The following XK variants were observed in gnomAD, a reference collection of about 807,000 sequenced individuals.
The protein encoded by XK is endoplasmic reticulum membrane adapter protein XK.
XK carries 2 observed loss-of-function variants against 14.0 expected under a neutral mutation model. The observed-to-expected ratio is 0.14, with a 90% CI of 0.06 to 0.45. The LOEUF (loss-of-function observed/expected upper bound fraction) is 0.45, where lower values mean the gene tolerates loss of function less well. Among genes scored for constraint, XK ranks in the 20% least tolerant of loss-of-function variants. The pLI is 0.98. For synonymous variants in XK, 149 were observed against 147.5 expected, an observed-to-expected ratio of 1.01 and a Z score of -0.08; for missense variants, 235 against 341.5, an observed-to-expected ratio of 0.69 and a Z score of 2.46.
chrX:37,716,353 A>G (rs1440770896), intron 2 of XK, among the ~76,000 whole-genome samples: 3 of 112,387 alleles, frequency 2.7e-5, no homozygotes, highest in African/African-American at 9.7e-5. Flanking sequence ...TGACCATAAA[A>G]TAAGAAGAAC....
chrX:37,727,395 G>A (rs1556450225), intron 2 of XK, among the ~76,000 whole-genome samples: 1 of 111,223 alleles, frequency 9.0e-6, no homozygotes, highest in Non-Finnish European at 1.9e-5. Flanking sequence ...GGGCATTGAG[G>A]GCGCTCTCGG....
intron 2 of XK, among the ~76,000 whole-genome samples, chrX:37,714,664 T>C (rs1556447417): frequency 8.9e-6 from 1 of 111,815 alleles, no homozygotes; most frequent in Non-Finnish European, 1.9e-5. Context: ...ACTCCCTGGC[T>C]TACGAAGCTG....
intron 2 of XK, among the ~76,000 whole-genome samples, chrX:37,720,965 C>T (rs190909785): frequency 5.2e-4 from 58 of 111,249 alleles, no homozygotes; most frequent in African/African-American, 1.8e-3. Flanking sequence ...AATAGTGCTA[C>T]GATAAACATA....
chrX:37,686,699 T>C (rs781825349), intron 1 of XK, among the ~76,000 whole-genome samples: 1 of 111,227 alleles, frequency 9.0e-6, no homozygotes, highest in African/African-American at 3.3e-5. Context: ...TTAATTCTCA[T>C]AGGGAAGTCA....
rs781820396 is a variant in XK, at chrX:37,707,611, C to T, written c.508+13063C>T. ...GATGCTCCTCACCTCTCAGACGGGG[C>T]AGCGGGGCAGAGCCGCTCCCCACAT... On this transcript the variant is annotated intron_variant, in intron 2 of 2. Transcript: ENST00000378616. 1.5e-3 allele frequency among the ~76,000 whole-genome samples: 160 copies of T among 108,253 alleles called. 1 individual carries two copies. The highest frequency in any genetic ancestry group is 2.3e-3 in the Non-Finnish European group (121 of 52,185). 94.0% of individuals were successfully genotyped at this position (108,253 alleles called of 115,157 possible).
chrX:37,728,274 A>C lies in XK; in HGVS notation c.1147A>C (p.Ser383Arg). ...FHPCKKLFSSSVSEGFQRWLR... is the reference protein window; with the variant it reads ...FHPCKKLFSSRVSEGFQRWLR... ...CCCTTGCAAAAAGCTCTTTTCTTCC[A>C]GTGTTTCTGAAGGCTTTCAGAGGTG... The change falls in exon 3 of 3, where the codon AGT (serine) becomes CGT (arginine). Residue 383 changes from serine to arginine, a missense_variant. Physicochemically the swap from Ser to Arg is moderately radical, Grantham distance 110. Transcript: ENST00000378616. 2.5e-6 allele frequency: 3 copies of C among 1,210,736 alleles called. No individual in the cohort carries two copies. Among genetic ancestry groups the C allele is most frequent in the Non-Finnish European group, 3.4e-6 (3 of 895,253 alleles).
In XK at chrX:37,729,191, C is replaced by CA. The variant is rs1928038821; in HGVS notation, c.*730dup. On this transcript the variant is annotated 3_prime_UTR_variant, in exon 3 of 3. Transcript: ENST00000378616. ...TTGATATGTTGATGAAATTCTGGAT[C>CA]AGGAGGGGTGTTAAAACATCAAAAT... 1 of 111,024 alleles carries CA rather than the reference C, an allele frequency of 9.0e-6. No homozygotes were observed. The highest frequency in any genetic ancestry group is 1.9e-5 in the Non-Finnish European group (1 of 52,919). The allele number at this position is 111,024 out of a possible 1,213,427, so 9.1% of individuals were successfully genotyped here.
intron 2 of XK, among the ~76,000 whole-genome samples, chrX:37,709,807 G>A (rs782564825): frequency 5.4e-5 from 6 of 111,813 alleles, no homozygotes; most frequent in African/African-American, 1.9e-4. Context: ...TATTAGTACT[G>A]TGCATAGGTA....
At chrX:37,710,387 A>T (rs1927640182) in intron 2 of XK, among the ~76,000 whole-genome samples, 2 of 112,506 alleles carry the variant, frequency 1.8e-5, no homozygotes, top group African/African-American at 6.5e-5. Flanking sequence ...TTACAGGTGA[A>T]TCTATTGGAC....
chrX:37,722,234 A>G (rs1927890186), intron 2 of XK, among the ~76,000 whole-genome samples: 1 of 111,941 alleles, frequency 8.9e-6, no homozygotes, highest in South Asian at 3.6e-4. Flanking sequence ...AGAGGATGTT[A>G]TAATGAACCC....
chrX:37,729,139 C>G lies in XK; in HGVS notation c.*677C>G, dbSNP rs782765932. ...AGTGATAAATTTGGCCATGAAAGCC[C>G]TGGAATTTTAGGAAAGTTGTGATTC... is the stretch of plus-strand genomic sequence containing the variant. On this transcript the variant is annotated 3_prime_UTR_variant, in exon 3 of 3. Transcript: ENST00000378616. The G allele has an allele frequency of 3.6e-5, 4 of 111,038 alleles. No homozygotes were observed. The South Asian group carries it at 1.5e-3, about 42-fold the overall frequency. The allele number at this position is 111,038 out of a possible 1,213,427, so 9.2% of individuals were successfully genotyped here.
At position 37,727,744 on chromosome X, in the gene XK, T is replaced by C. The variant is rs782130202; in HGVS notation, c.617T>C (p.Leu206Pro). The change falls in exon 3 of 3, where the codon CTG becomes CCG. Residue 206 changes from leucine (L) to proline (P), a missense_variant. Transcript: ENST00000378616. ...GAGTATGAAGTCAAAGTGAAGCCTC[T>C]GGCCTATGTCTGTATCTTCCTGTGG... ...YDEYEVKVKP[L>P]AYVCIFLWRS... 6.0e-5 allele frequency: 73 copies of C among 1,209,631 alleles called. No individual in the cohort carries two copies. The highest frequency in any genetic ancestry group is 7.3e-5 in the Non-Finnish European group (65 of 895,069).
chrX:37,731,040 A>T lies in XK; in HGVS notation c.*2578A>T, dbSNP rs1288876816. 3 of 112,130 alleles carry T rather than the reference A, an allele frequency of 2.7e-5. No individual in the cohort carries two copies. Among genetic ancestry groups the T allele is most frequent in the African/African-American group, 9.7e-5 (3 of 30,813 alleles). 9.2% of individuals were successfully genotyped at this position (112,130 alleles called of 1,213,427 possible). ...TACTTTCTTTCTGTGTGGTGAAAAC[A>T]TAAGCCATGGTGAACTGATAATTTT... On this transcript the variant is annotated 3_prime_UTR_variant, in exon 3 of 3. Transcript: ENST00000378616.
In XK at chrX:37,729,161, A is replaced by T. The variant is rs1230094749; in HGVS notation, c.*699A>T. The T allele has an allele frequency of 9.0e-6, 1 of 111,107 alleles. No individual in the cohort carries two copies. Among genetic ancestry groups the T allele is most frequent in the African/African-American group, 3.3e-5 (1 of 30,521 alleles). The allele number at this position is 111,107 out of a possible 1,213,427, so 9.2% of individuals were successfully genotyped here. Reference sequence around the variant, plus strand: ...GCCCTGGAATTTTAGGAAAGTTGTGATTCTTTGATATGTTGATGAAATTCT... The same window carrying T: ...GCCCTGGAATTTTAGGAAAGTTGTGTTTCTTTGATATGTTGATGAAATTCT... On this transcript the variant is annotated 3_prime_UTR_variant, in exon 3 of 3. Coordinates refer to ENST00000378616, the MANE Select transcript of XK (RefSeq NM_021083.4).
In XK at chrX:37,701,888, G is replaced by A. The variant is rs28998769; in HGVS notation, c.508+7340G>A. On this transcript the variant is annotated intron_variant, in intron 2 of 2. Transcript: ENST00000378616. The stretch of plus-strand genomic sequence containing the variant: ...GAAGGAGACAGCGGAAGAGGGACAC[G>A]AGCCAGGCAGTCCCCACTCTGGTGT... 3.6e-3 allele frequency among the ~76,000 whole-genome samples: 403 copies of A among 111,421 alleles called. 1 individual carries two copies. Among genetic ancestry groups the A allele is most frequent in the African/African-American group, 0.013 (385 of 30,601 alleles).
chrX:37,716,984 G>T (rs918276689), intron 2 of XK, among the ~76,000 whole-genome samples: 13 of 111,811 alleles, frequency 1.2e-4, no homozygotes, highest in African/African-American at 4.2e-4. Context: ...GCTTAGCATA[G>T]TGAGGCTTAC....
intron 2 of XK, among the ~76,000 whole-genome samples, chrX:37,700,822 C>T (rs1477857397): frequency 9.1e-6 from 1 of 110,487 alleles, no homozygotes; most frequent in African/African-American, 3.3e-5. Flanking sequence ...GCAGTAGCCA[C>T]AGGGATGGGT....
chrX:37,728,680 T>C lies in XK; in HGVS notation c.*218T>C. On this transcript the variant is annotated 3_prime_UTR_variant, in exon 3 of 3. Transcript: ENST00000378616. ...GAAGGGGCAACCCAAGGCATCACAG[T>C]TCACAGGTAACCATGTTGTGTTCTT... The C allele has an allele frequency of 2.3e-6, 1 of 431,624 alleles. No homozygotes were observed. Among genetic ancestry groups the C allele is most frequent in the Admixed American group, 3.9e-5 (1 of 25,704 alleles). The allele number at this position is 431,624 out of a possible 1,213,427, so 35.6% of individuals were successfully genotyped here. A position where few individuals can be genotyped will look rare whatever the true frequency, so the allele number is the denominator to read the frequency against.
intron 2 of XK, among the ~76,000 whole-genome samples, chrX:37,701,120 G>T (rs781970254): frequency 1.8e-5 from 2 of 111,740 alleles, no homozygotes; most frequent in South Asian, 7.5e-4. Flanking sequence ...CCTAGGACAT[G>T]CAATCCAATC....
Sources: allele counts gnomAD v4.1 joint callset (sites outside exome capture counted in the v4.1 genomes callset), GRCh38; gene constraint gnomAD v4.1.1; transcripts MANE v1.5; gene names NCBI Gene and HGNC (gene_info 2026-07-23, HGNC 2026-07-21).